Variants in ARHGEF33 observed in about 807,000 individuals in gnomAD.
ARHGEF33 encodes DH and coiled-coil domain-containing protein ENSP00000381780.
Under a neutral mutation model 101.9 loss-of-function variants are expected in ARHGEF33, and 72 were observed. The observed-to-expected ratio is 0.71, with a 90% CI of 0.58 to 0.86. The LOEUF (loss-of-function observed/expected upper bound fraction) is 0.86. ARHGEF33 is among the 40% of genes least tolerant of loss of function. The probability of loss-of-function intolerance (pLI) is 0.00; values close to 1 mark genes in which losing one functional copy is unlikely to be tolerated. For synonymous variants in ARHGEF33, 499 were observed against 442.5 expected, an observed-to-expected ratio of 1.13 and a Z score of -1.60; for missense variants, 1,169 against 1,111.3, an observed-to-expected ratio of 1.05 and a Z score of -0.74.
intron 2 of ARHGEF33, among the ~76,000 whole-genome samples, chr2:38,897,213 C>T (rs2124977544): frequency 6.6e-6 from 1 of 152,262 alleles, no homozygotes; most frequent in African/African-American, 2.4e-5. Flanking sequence ...CACACCCAGC[C>T]AACCCAGTGT....
At chr2:38,962,891 G>T (rs1450840342) in intron 16 of ARHGEF33, among the ~76,000 whole-genome samples, 4 of 150,808 alleles carry the variant, frequency 2.7e-5, no homozygotes, top group Non-Finnish European at 5.9e-5. Flanking sequence ...GGGCATGGTG[G>T]TGAGCACCTG....
intron 17 of ARHGEF33, among the ~76,000 whole-genome samples, chr2:38,972,341 A>C (rs1409923554): frequency 6.6e-6 from 1 of 152,188 alleles, no homozygotes; most frequent in Non-Finnish European, 1.5e-5. Context: ...CTTTCAAGGG[A>C]GAACTCGGGG....
chr2:38,934,136 A>G (rs1274572832), intron 7 of ARHGEF33, among the ~76,000 whole-genome samples: 1 of 152,208 alleles, frequency 6.6e-6, no homozygotes, highest in East Asian at 1.9e-4. Context: ...CCCACTCAAT[A>G]TTGGCTTTCA....
In ARHGEF33 at chr2:38,931,142, C is replaced by T. The variant is rs200876825; in HGVS notation, c.396C>T (p.Ala132=). 70 of 1,551,432 alleles carry T rather than the reference C, an allele frequency of 4.5e-5. No individual in the cohort carries two copies. The East Asian group carries it at 5.9e-4, about 13-fold the overall frequency. Residue 132 remains alanine (A), a synonymous_variant, in exon 7 of 18, where the codon GCC becomes GCT. Transcript: ENST00000409978. ...AAAAAGAAGAGCACAGCTCACAGGC[C>T]GGGCCTGCCCAAGCACAAGGAAGTC... ...KTQKEEHSSQ[A]GPAQAQGSPF...
intron 8 of ARHGEF33, 86 bp from the exon 9 acceptor site, chr2:38,937,249 C>T (rs1438399683): frequency 2.9e-6 from 2 of 690,506 alleles, no homozygotes; most frequent in Non-Finnish European, 5.1e-6. Context: ...CTGCCTCGGC[C>T]TCCGAAAGTG....
intron 2 of ARHGEF33, among the ~76,000 whole-genome samples, chr2:38,915,603 C>T (rs1420139762): frequency 1.3e-5 from 2 of 152,012 alleles, no homozygotes. Flanking sequence ...AACTCCTGGC[C>T]TCAAGCTATC....
chr2:38,961,981 C>T (rs111333446), intron 16 of ARHGEF33, among the ~76,000 whole-genome samples: 1,819 of 152,156 alleles, frequency 0.012, 22 homozygotes, highest in Non-Finnish European at 0.018. Context: ...CAGGAAGGGG[C>T]GGGATCATGA....
chr2:38,902,733 A>G (rs1666277465), intron 2 of ARHGEF33, among the ~76,000 whole-genome samples: 1 of 152,190 alleles, frequency 6.6e-6, no homozygotes, highest in South Asian at 2.1e-4. Flanking sequence ...GTCTTGGGGA[A>G]TACAGAGTGA....
At chr2:38,946,726 A>G (rs535214252) in intron 10 of ARHGEF33, among the ~76,000 whole-genome samples, 23 of 152,152 alleles carry the variant, frequency 1.5e-4, no homozygotes, top group Non-Finnish European at 2.8e-4. Flanking sequence ...CCCGGGTTCA[A>G]GTGATTCTCC....
chr2:38,900,808 T>C (rs1233538042), intron 2 of ARHGEF33, among the ~76,000 whole-genome samples: 1 of 152,220 alleles, frequency 6.6e-6, no homozygotes, highest in Non-Finnish European at 1.5e-5. Context: ...ATTAAAAGTC[T>C]GGCACTTGCT....
intron 2 of ARHGEF33, among the ~76,000 whole-genome samples, chr2:38,900,938 A>G (rs1666225202): frequency 1.3e-5 from 2 of 152,116 alleles, no homozygotes; most frequent in South Asian, 4.2e-4. Context: ...AGGATCAATA[A>G]CAGTTCAGCT....
intron 4 of ARHGEF33, among the ~76,000 whole-genome samples, chr2:38,928,604 T>G (rs1265649404): frequency 6.6e-6 from 1 of 152,216 alleles, no homozygotes; most frequent in Non-Finnish European, 1.5e-5. Context: ...CAAGCAAATC[T>G]CATTTTAATC....
chr2:38,933,121 G>A (rs1293366751), intron 7 of ARHGEF33, among the ~76,000 whole-genome samples: 1 of 152,190 alleles, frequency 6.6e-6, no homozygotes, highest in African/African-American at 2.4e-5. Flanking sequence ...AGAAATCTGT[G>A]CACAGCTTAG....
At chr2:38,970,501 T>C (rs1353702600) in intron 17 of ARHGEF33, among the ~76,000 whole-genome samples, 2 of 152,234 alleles carry the variant, frequency 1.3e-5, no homozygotes, top group Non-Finnish European at 2.9e-5. Flanking sequence ...TCATTTCCTA[T>C]ATAACTTGAA....
chr2:38,963,341 C>T (rs1474674159), intron 16 of ARHGEF33, among the ~76,000 whole-genome samples: 2 of 152,130 alleles, frequency 1.3e-5, no homozygotes, highest in Admixed American at 6.5e-5. Flanking sequence ...CAGAGCTAGC[C>T]GAGACCTAGT....
chr2:38,921,730 A>G (rs1340112514), intron 4 of ARHGEF33, among the ~76,000 whole-genome samples: 1 of 152,052 alleles, frequency 6.6e-6, no homozygotes, highest in African/African-American at 2.4e-5. Context: ...CTGGCTGAGA[A>G]CTCATTATTG....
At position 38,921,358 on chromosome 2, in the gene ARHGEF33, C is replaced by G. The variant is rs1321749562; in HGVS notation, c.26-16C>G. On this transcript the variant is annotated splice_polypyrimidine_tract_variant and intron_variant, in intron 3 of 17. Transcript: ENST00000409978. ...AATGAGTAGTGTTGATTAAACAAAGCTCTTTCTCCCTGCAGGAGAGAATGA... is the reference window on the plus strand; with the variant it reads ...AATGAGTAGTGTTGATTAAACAAAGGTCTTTCTCCCTGCAGGAGAGAATGA... 3 of 1,501,562 alleles carry G rather than the reference C, an allele frequency of 2.0e-6. No homozygotes were observed. In the East Asian group the frequency reaches 7.4e-5, roughly 37 times the overall value. 93.0% of individuals were successfully genotyped at this position (1,501,562 alleles called of 1,614,324 possible). A position where few individuals can be genotyped will look rare whatever the true frequency, so the allele number is the denominator to read the frequency against.
At position 38,919,414 on chromosome 2, in the gene ARHGEF33, A is replaced by G; in HGVS notation, c.-34A>G. ...CCAGGACGATGAGGATGCAATGTTG[A>G]AGAATAAGCTGGAGAAGAGAAGTAA... On this transcript the variant is annotated 5_prime_UTR_variant, in exon 3 of 18. It removes the in-frame stop codon of an upstream open reading frame in the 5' UTR. Coordinates refer to ENST00000409978, the MANE Select transcript of ARHGEF33 (RefSeq NM_001145451.5). The G allele has an allele frequency of 6.4e-7, 1 of 1,551,616 alleles. No individual in the cohort carries two copies. Among genetic ancestry groups the G allele is most frequent in the Non-Finnish European group, 8.7e-7 (1 of 1,146,784 alleles).
intron 2 of ARHGEF33, among the ~76,000 whole-genome samples, chr2:38,906,413 C>G (rs1430027972): frequency 6.6e-6 from 1 of 152,106 alleles, no homozygotes; most frequent in African/African-American, 2.4e-5. Flanking sequence ...AAACCAGCCC[C>G]AGCATGTTCT....
Sources: allele counts gnomAD v4.1 joint callset (sites outside exome capture counted in the v4.1 genomes callset), GRCh38; gene constraint gnomAD v4.1.1; transcripts MANE v1.5; gene names NCBI Gene and HGNC (gene_info 2026-07-23, HGNC 2026-07-21).